The following CFAP97D1 variants were observed in gnomAD, a reference collection of about 807,000 sequenced individuals.
CFAP97D1 encodes sperm axonemal maintenance protein CFAP97D1.
In CFAP97D1, 15 loss-of-function variants were observed where a neutral mutation model predicts 20.5. That is an observed-to-expected ratio of 0.73 (90% CI 0.49 to 1.13). CFAP97D1 has a LOEUF of 1.13. CFAP97D1 is among the 50% of genes most tolerant of loss of function. The pLI, the probability that CFAP97D1 is intolerant of heterozygous loss-of-function variation, is 0.00. For synonymous variants in CFAP97D1, 58 were observed against 71.2 expected, an observed-to-expected ratio of 0.82 and a Z score of 0.93; for missense variants, 168 against 202.9, an observed-to-expected ratio of 0.83 and a Z score of 1.04.
rs1555576894 is a variant in CFAP97D1, at chr17:43,785,046, T to TGAGAGAGAGAGAGAAA, written c.*678_*693dup. The TGAGAGAGAGAGAGAAA allele has an allele frequency of 8.2e-6, 1 of 121,554 alleles. No homozygotes were observed. The highest frequency in any genetic ancestry group is 2.5e-4 in the East Asian group (1 of 4,040). 7.5% of individuals were successfully genotyped at this position (121,554 alleles called of 1,614,324 possible). Reference sequence around the variant, plus strand: ...GAGAGTGAGAGAGATAGATAGAGAGTGAGAGAGAGAGAGAAAGAGAGAGAG... The same window carrying TGAGAGAGAGAGAGAAA: ...GAGAGTGAGAGAGATAGATAGAGAGTGAGAGAGAGAGAGAAAGAGAGAGAGAGAGAAAGAGAGAGAG... On this transcript the variant is annotated 3_prime_UTR_variant, in exon 6 of 6. Coordinates refer to ENST00000449302, the MANE Select transcript of CFAP97D1 (RefSeq NM_001136483.3).
intron 3 of CFAP97D1, 139 bp from the exon 4 acceptor site, chr17:43,783,041 A>G: frequency 2.0e-6 from 2 of 1,012,728 alleles, no homozygotes; most frequent in Non-Finnish European, 2.9e-6. Context: ...AGGCTGTCCC[A>G]GGGGCCTGTG....
At chr17:43,782,555 T>C (rs1471246473) in intron 3 of CFAP97D1, among the ~76,000 whole-genome samples, 1 of 152,190 alleles carries the variant, frequency 6.6e-6, no homozygotes, top group Non-Finnish European at 1.5e-5. Context: ...CCTGAGCAAC[T>C]ACTATGTGCT....
At chr17:43,783,051 G>T in intron 3 of CFAP97D1, 129 bp from the exon 4 acceptor site, 1 of 1,151,148 alleles carries the variant, frequency 8.7e-7, no homozygotes. Flanking sequence ...AGGGGCCTGT[G>T]GGCTCAGCAG....
Position 43,780,604 on chromosome 17 carries a change from G to A in CFAP97D1, c.124+18G>A. Reference sequence around the variant, plus strand: ...ACAAATAGGTATGTGGGCAGTTTGGGCTGGACACTGCTATTAGGGATTTTG... The same window carrying A: ...ACAAATAGGTATGTGGGCAGTTTGGACTGGACACTGCTATTAGGGATTTTG... On this transcript the variant is annotated intron_variant, in intron 1 of 5. Transcript: ENST00000449302. The A allele has an allele frequency of 6.4e-7, 1 of 1,551,518 alleles. No individual in the cohort carries two copies. The highest frequency in any genetic ancestry group is 1.2e-5 in the South Asian group (1 of 84,052).
rs2044283926 is a variant in CFAP97D1, at chr17:43,785,096, T to C, written c.*714T>C. 6.6e-6 allele frequency: 1 copy of C among 151,890 alleles called. No homozygotes were observed. The highest frequency in any genetic ancestry group is 2.4e-5 in the African/African-American group (1 of 41,222). The allele number at this position is 151,890 out of a possible 1,614,324, so 9.4% of individuals were successfully genotyped here. A position where few individuals can be genotyped will look rare whatever the true frequency, so the allele number is the denominator to read the frequency against. ...GAGAGGAGAGGATTTATTTGGGGAA[T>C]TGGCTCACAAGATCATGGAAGCTAA... On this transcript the variant is annotated 3_prime_UTR_variant, in exon 6 of 6. Transcript: ENST00000449302.
At chr17:43,783,450 A>G in intron 4 of CFAP97D1, 147 bp downstream of exon 4, 1 of 1,111,834 alleles carries the variant, frequency 9.0e-7, no homozygotes, top group African/African-American at 1.6e-5. Flanking sequence ...TCCAAAGCAA[A>G]CAAAGCTAAC....
Position 43,784,636 on chromosome 17 carries a change from A to G in CFAP97D1, c.*254A>G, listed in dbSNP as rs1261864808. ...AAAGAAGTTTTAACGAGAGAGAGAG[A>G]GAGAAATCTGAGAGAACTCTTTAAA... is the stretch of plus-strand genomic sequence containing the variant. On this transcript the variant is annotated 3_prime_UTR_variant, in exon 6 of 6. Coordinates refer to ENST00000449302, the MANE Select transcript of CFAP97D1 (RefSeq NM_001136483.3). 6.6e-6 allele frequency: 1 copy of G among 152,220 alleles called. No homozygotes were observed. Among genetic ancestry groups the G allele is most frequent in the East Asian group, 1.9e-4 (1 of 5,202 alleles). 9.4% of individuals were successfully genotyped at this position (152,220 alleles called of 1,614,324 possible). A position where few individuals can be genotyped will look rare whatever the true frequency, so the allele number is the denominator to read the frequency against.
At chr17:43,782,950 C>A (rs544628868) in intron 3 of CFAP97D1, 2 of 539,138 alleles carry the variant, frequency 3.7e-6, no homozygotes, top group Non-Finnish European at 6.7e-6. Context: ...GTAGAATCTT[C>A]TCATGGGCAA....
Position 43,781,774 on chromosome 17 carries a change from G to T in CFAP97D1, c.196G>T (p.Gly66Cys). 1 of 1,546,550 alleles carries T rather than the reference G, an allele frequency of 6.5e-7. No homozygotes were observed. The highest frequency in any genetic ancestry group is 1.4e-5 in the African/African-American group (1 of 73,034). ...ATGGTGAGGTGTGGTTTCTTACCAGGGTGAACAAAAGAAAATCAACAAAAT... is the reference window on the plus strand; with the variant it reads ...ATGGTGAGGTGTGGTTTCTTACCAGTGTGAACAAAAGAAAATCAACAAAAT... ...NHILKLSKLQ[G>C]EQKKINKIEY... The change falls in exon 3 of 6, where the codon GGT becomes TGT. Residue 66 changes from glycine to cysteine, a missense_variant and splice_region_variant. Coordinates refer to ENST00000449302, the MANE Select transcript of CFAP97D1 (RefSeq NM_001136483.3).
In CFAP97D1 at chr17:43,786,576, TG is replaced by T. The variant is rs1490069101; in HGVS notation, c.*2195del. 8 of 152,210 alleles carry T rather than the reference TG, an allele frequency of 5.3e-5. No homozygotes were observed. The highest frequency in any genetic ancestry group is 1.2e-4 in the Non-Finnish European group (8 of 68,042). The allele number at this position is 152,210 out of a possible 1,614,324, so 9.4% of individuals were successfully genotyped here. On this transcript the variant is annotated 3_prime_UTR_variant, in exon 6 of 6. Coordinates refer to ENST00000449302, the MANE Select transcript of CFAP97D1 (RefSeq NM_001136483.3). ...ACATGCACTCATTTTTGTACATATA[TG>T]TATAGCTCTATGCGGTTTTTGCCAC...
chr17:43,783,896 A>C lies in CFAP97D1; in HGVS notation c.*3A>C, dbSNP rs1263133286. 10 of 1,546,704 alleles carry C rather than the reference A, an allele frequency of 6.5e-6. No individual in the cohort carries two copies. The East Asian group carries it at 2.4e-4, about 38-fold the overall frequency. On this transcript the variant is annotated splice_donor_region_variant and intron_variant, in intron 5 of 5. Transcript: ENST00000449302. ...ATCTTCTCTCCCAAAATGAATAGGT[A>C]TGTCTCTCTTACTATCAAACACTGT...
rs1433266895 is a variant in CFAP97D1 at position 43,781,850 on chromosome 17, G to A, written c.272G>A (p.Gly91Asp). The change falls in exon 3 of 6, where the codon GGC becomes GAC. Residue 91 changes from glycine (G) to aspartate (D), a missense_variant. By Grantham distance (94) the Gly-to-Asp change is moderately conservative. Coordinates refer to ENST00000449302, the MANE Select transcript of CFAP97D1 (RefSeq NM_001136483.3). ...LCQKIANAHR[G>D]PAKVDCWNEY... The stretch of plus-strand genomic sequence containing the variant: ...CAGAAAATCGCAAATGCCCATCGCG[G>A]CCCTGCCAAGGTGGATTGCTGGAAT... The A allele has an allele frequency of 6.4e-7, 1 of 1,551,238 alleles. No individual in the cohort carries two copies. The highest frequency in any genetic ancestry group is 8.7e-7 in the Non-Finnish European group (1 of 1,146,662).
chr17:43,786,026 G>A lies in CFAP97D1; in HGVS notation c.*1644G>A, dbSNP rs913617778. 21 of 152,334 alleles carry A rather than the reference G, an allele frequency of 1.4e-4. 1 individual carries two copies. The highest frequency in any genetic ancestry group is 8.5e-4 in the Admixed American group (13 of 15,286). The allele number at this position is 152,334 out of a possible 1,614,324, so 9.4% of individuals were successfully genotyped here. ...TGTAACTCTCAGTTCGAGGCCAAAG[G>A]CTGAGAACCCACTAGGGGGGACAAG... On this transcript the variant is annotated 3_prime_UTR_variant, in exon 6 of 6. Coordinates refer to ENST00000449302, the MANE Select transcript of CFAP97D1 (RefSeq NM_001136483.3).
intron 3 of CFAP97D1, 138 bp downstream of exon 3, chr17:43,782,030 A>G: frequency 1.6e-6 from 1 of 628,982 alleles, no homozygotes; most frequent in Non-Finnish European, 2.8e-6. Flanking sequence ...ACCATGTTAC[A>G]CAGAATGAAA....
At chr17:43,783,099 A>C (rs1598304930) in intron 3 of CFAP97D1, 81 bp from the exon 4 acceptor site, 17 of 1,522,244 alleles carry the variant, frequency 1.1e-5, no homozygotes, top group Middle Eastern at 1.7e-4. Context: ...TCTGGCATTT[A>C]TGATCTCATG....
In CFAP97D1 at chr17:43,781,015, C is replaced by T. The variant is rs73987087; in HGVS notation, c.125-104C>T. On this transcript the variant is annotated intron_variant, in intron 1 of 5. Transcript: ENST00000449302. ...CTTGAGTCGCATTAAGGTCCTAATT[C>T]GAAATTGTTCATTAGTCAAGGACAT... 7.7e-3 allele frequency: 6,452 copies of T among 835,546 alleles called. 286 individuals carry two copies. The African/African-American group carries it at 0.096, about 12-fold the overall frequency. The allele number at this position is 835,546 out of a possible 1,614,324, so 51.8% of individuals were successfully genotyped here.
At chr17:43,784,008 TA>T in intron 5 of CFAP97D1, 115 bp downstream of exon 5, 1 of 680,866 alleles carries the variant, frequency 1.5e-6, no homozygotes, top group Non-Finnish European at 2.4e-6. Context: ...TCTTCTCATA[TA>T]ATATTGACTA....
In CFAP97D1 at chr17:43,787,159, G is replaced by A. The variant is rs1469787306; in HGVS notation, c.*2777G>A. On this transcript the variant is annotated 3_prime_UTR_variant, in exon 6 of 6. Transcript: ENST00000449302. ...TTTTTATATTTTTAGTAGAGACAGG[G>A]TTTCACCATGTTGACCCGGCTGGTC... The A allele has an allele frequency of 6.6e-6, 1 of 152,056 alleles. No homozygotes were observed. The allele number at this position is 152,056 out of a possible 1,614,324, so 9.4% of individuals were successfully genotyped here. A position where few individuals can be genotyped will look rare whatever the true frequency, so the allele number is the denominator to read the frequency against.
At chr17:43,782,593 G>A (rs558149738) in intron 3 of CFAP97D1, among the ~76,000 whole-genome samples, 12 of 152,316 alleles carry the variant, frequency 7.9e-5, no homozygotes, top group African/African-American at 2.9e-4. Context: ...AAGATGAAAT[G>A]AGATGTATAT....
Sources: allele counts gnomAD v4.1 joint callset (sites outside exome capture counted in the v4.1 genomes callset), GRCh38; gene constraint gnomAD v4.1.1; transcripts MANE v1.5; gene names NCBI Gene and HGNC (gene_info 2026-07-23, HGNC 2026-07-21).